SPAG16: variants seen among roughly 807,000 people sequenced by gnomAD.
The protein encoded by SPAG16 is sperm-associated antigen 16 protein.
A neutral mutation model predicts 80.4 loss-of-function variants in SPAG16; 86 were observed. The observed-to-expected ratio is 1.07, with a 90% CI of 0.90 to 1.28. The LOEUF (loss-of-function observed/expected upper bound fraction) is 1.28, where lower values mean the gene tolerates loss of function less well. SPAG16 is among the 50% of genes most tolerant of loss of function. The pLI is 0.00. For synonymous variants in SPAG16, 294 were observed against 265.9 expected (o/e 1.11, Z -1.03); for missense variants, 870 against 765.3 (o/e 1.14, Z -1.61).
intron 10 of SPAG16, among the ~76,000 whole-genome samples, chr2:213,636,257 TGTAA>T (rs769058804): frequency 3.9e-5 from 6 of 152,206 alleles, no homozygotes; most frequent in African/African-American, 7.2e-5. Flanking sequence ...ATCAGTTGGC[TGTAA>T]GTATTTGGGT....
chr2:213,300,493 G>A (rs1421139296), intron 3 of SPAG16, among the ~76,000 whole-genome samples: 1 of 152,134 alleles, frequency 6.6e-6, no homozygotes, highest in Non-Finnish European at 1.5e-5. Flanking sequence ...CTACACACCT[G>A]CTGGAGGATT....
rs553239273 is a variant in SPAG16 at position 213,733,616 on chromosome 2, G to T, written c.1071-128869G>T. 4.8e-4 allele frequency among the ~76,000 whole-genome samples: 72 copies of T among 150,750 alleles called. 1 individual carries two copies. Among genetic ancestry groups the T allele is most frequent in the African/African-American group, 1.6e-3 (67 of 40,994 alleles). ...AGACTATGGCCTCCAAGACTTTCTTGTATTTGGTTTCTAGTTAGTTTCCAA... is the reference window on the plus strand; with the variant it reads ...AGACTATGGCCTCCAAGACTTTCTTTTATTTGGTTTCTAGTTAGTTTCCAA... On this transcript the variant is annotated intron_variant, in intron 10 of 15. Transcript: ENST00000331683.
chr2:213,703,092 C>T (rs1222858935), intron 10 of SPAG16, among the ~76,000 whole-genome samples: 1 of 152,196 alleles, frequency 6.6e-6, no homozygotes, highest in Non-Finnish European at 1.5e-5. Flanking sequence ...CACACTTTGC[C>T]ATTCTCTTTT....
chr2:213,768,183 TG>T (rs767140812), intron 10 of SPAG16, among the ~76,000 whole-genome samples: 9 of 152,222 alleles, frequency 5.9e-5, no homozygotes, highest in Non-Finnish European at 1.0e-4. Flanking sequence ...GATTTTAATA[TG>T]GTTTGAGCAT....
chr2:214,228,814 A>T (rs1023280082), intron 15 of SPAG16, among the ~76,000 whole-genome samples: 4 of 151,942 alleles, frequency 2.6e-5, no homozygotes, highest in African/African-American at 9.7e-5. Context: ...TTATCACAAT[A>T]TTTAACAAAT....
chr2:214,177,522 A>C (rs2057132516), intron 15 of SPAG16, among the ~76,000 whole-genome samples: 1 of 151,010 alleles, frequency 6.6e-6, no homozygotes, highest in Non-Finnish European at 1.5e-5. Context: ...TATTCTATTC[A>C]AATAGTACTT....
At chr2:213,376,362 G>A (rs1475317039) in intron 9 of SPAG16, among the ~76,000 whole-genome samples, 1 of 151,960 alleles carries the variant, frequency 6.6e-6, no homozygotes. Context: ...GGGACAAAAA[G>A]ATACTAAAAT....
At chr2:213,553,903 A>C (rs1406304668) in intron 10 of SPAG16, among the ~76,000 whole-genome samples, 1 of 152,094 alleles carries the variant, frequency 6.6e-6, no homozygotes, top group Non-Finnish European at 1.5e-5. Context: ...CTGCTTTACA[A>C]ACACCCTTTC....
intron 10 of SPAG16, among the ~76,000 whole-genome samples, chr2:213,523,850 A>G (rs138025097): frequency 6.6e-6 from 1 of 152,366 alleles, no homozygotes; most frequent in Non-Finnish European, 1.5e-5. Context: ...AAGAAATTTC[A>G]AAGTGGCAAA....
In SPAG16 at chr2:214,306,635, C is replaced by T. The variant is rs572642507; in HGVS notation, c.1721-103505C>T. The stretch of plus-strand genomic sequence containing the variant: ...CCTTTTCTGCATCTGTTGAGATAAT[C>T]AAGTTTTTGTCTTTAGTTCTGTTTA... On this transcript the variant is annotated intron_variant, in intron 15 of 15. Coordinates refer to ENST00000331683, the MANE Select transcript of SPAG16 (RefSeq NM_024532.5). 1.8e-3 allele frequency among the ~76,000 whole-genome samples: 273 copies of T among 152,084 alleles called. 2 individuals are homozygous for T. The highest frequency in any genetic ancestry group is 5.9e-3 in the African/African-American group (247 of 41,530).
rs76347614 is a variant in SPAG16 at position 214,372,946 on chromosome 2, C to G, written c.1721-37194C>G. Among the ~76,000 whole-genome samples, 31 of 152,174 alleles carry G rather than the reference C, an allele frequency of 2.0e-4. 1 individual carries two copies. In the East Asian group the frequency reaches 6.0e-3, roughly 29 times the overall value. On this transcript the variant is annotated intron_variant, in intron 15 of 15. Transcript: ENST00000331683. ...ATATATGTACCAGCAAATGGGGCTA[C>G]CTGCATTTCCTGATGCTCTGCAATG...
chr2:213,573,727 T>C (rs1437022924), intron 10 of SPAG16, among the ~76,000 whole-genome samples: 1 of 152,252 alleles, frequency 6.6e-6, no homozygotes, highest in Non-Finnish European at 1.5e-5. Context: ...GGAATTATCT[T>C]AATTTTGTCA....
At chr2:213,536,207 G>T (rs1382574916) in intron 10 of SPAG16, among the ~76,000 whole-genome samples, 3 of 151,990 alleles carry the variant, frequency 2.0e-5, no homozygotes, top group African/African-American at 7.2e-5. Context: ...TAAAGAAATT[G>T]CTATTTGGAT....
intron 9 of SPAG16, among the ~76,000 whole-genome samples, chr2:213,482,014 T>TTCCCTAAACTTTTTC (rs1290651093): frequency 6.6e-6 from 1 of 152,234 alleles, no homozygotes; most frequent in Non-Finnish European, 1.5e-5. Flanking sequence ...AAAATGAGAC[T>TTCCCTAAACTTTTTC]TCCCTAAACT....
At chr2:213,470,220 A>C (rs914188092) in intron 9 of SPAG16, among the ~76,000 whole-genome samples, 1 of 152,208 alleles carries the variant, frequency 6.6e-6, no homozygotes, top group African/African-American at 2.4e-5. Context: ...GCCATTGCAC[A>C]GTTTTTATCA....
chr2:213,668,397 C>T (rs924014674), intron 10 of SPAG16, among the ~76,000 whole-genome samples: 6 of 151,536 alleles, frequency 4.0e-5, no homozygotes, highest in Admixed American at 6.6e-5. Context: ...AATTCAGGGA[C>T]TCACCCATGC....
intron 15 of SPAG16, chr2:214,239,399 T>C (rs996820659): frequency 6.6e-6 from 1 of 152,190 alleles, no homozygotes; most frequent in Non-Finnish European, 1.5e-5. Context: ...AACTTTTTCA[T>C]TTTGCAAAAC....
chr2:213,792,197 A>G (rs993216335), intron 10 of SPAG16, among the ~76,000 whole-genome samples: 3 of 152,234 alleles, frequency 2.0e-5, no homozygotes, highest in African/African-American at 7.2e-5. Flanking sequence ...CATAGTATTA[A>G]GTACATAAAA....
At chr2:213,467,566 G>T (rs2072769321) in intron 9 of SPAG16, among the ~76,000 whole-genome samples, 1 of 152,318 alleles carries the variant, frequency 6.6e-6, no homozygotes, top group African/African-American at 2.4e-5. Flanking sequence ...AGGAGGGGAG[G>T]CCTGGACTGG....
Sources: gnomAD v4.1 joint callset for allele counts (sites outside exome capture counted in the v4.1 genomes callset) on GRCh38, gnomAD v4.1.1 for gene constraint, MANE v1.5 for transcripts, NCBI Gene and HGNC (gene_info 2026-07-23, HGNC 2026-07-21) for gene names.